The following DIDO1 variants were observed in gnomAD, a reference collection of about 807,000 sequenced individuals.
DIDO1 encodes the protein death-inducer obliterator 1.
DIDO1 carries 16 observed loss-of-function variants against 99.4 expected under a neutral mutation model. The ratio of observed to expected loss-of-function variants is 0.16; its 90% CI spans 0.11 to 0.24. DIDO1 has a LOEUF of 0.24. DIDO1 is among the 10% of genes least tolerant of loss of function. DIDO1 has a pLI of 1.00. For synonymous variants in DIDO1, 1,366 were observed against 1,239.1 expected, an observed-to-expected ratio of 1.10 and a Z score of -2.15; for missense variants, 2,996 against 3,014.0, an observed-to-expected ratio of 0.99 and a Z score of 0.14.
rs2147337335 is a variant in DIDO1, at chr20:62,879,284, C to T, written c.6672G>A (p.Pro2224=). 1 of 1,576,478 alleles carries T rather than the reference C, an allele frequency of 6.3e-7. No individual in the cohort carries two copies. Among genetic ancestry groups the T allele is most frequent in the Non-Finnish European group, 8.6e-7 (1 of 1,164,268 alleles). The change falls in exon 16 of 16, where the codon CCG becomes CCA. Residue 2224 remains proline, a synonymous_variant. Coordinates refer to ENST00000395343, the MANE Select transcript of DIDO1 (RefSeq NM_001193369.2). The surrounding 1 kb of genome is among the most constrained non-coding windows in gnomAD (Gnocchi z 6.3). The part of the protein sequence containing the change: ...RSKSKESARD[P]KPEASRASDA... ...CGGAGGCCCTCGAGGCCTCGGGCTTCGGGTCCCGAGCGCTCTCTTTGCTCT... is the reference window on the plus strand; with the variant it reads ...CGGAGGCCCTCGAGGCCTCGGGCTTTGGGTCCCGAGCGCTCTCTTTGCTCT...
In DIDO1 at chr20:62,881,871, G is replaced by A. The variant is rs1171984878; in HGVS notation, c.4085C>T (p.Pro1362Leu). 2 of 1,613,536 alleles carry A rather than the reference G, an allele frequency of 1.2e-6. No homozygotes were observed. The highest frequency in any genetic ancestry group is 1.7e-6 in the Non-Finnish European group (2 of 1,180,026). The change falls in exon 16 of 16, where the codon CCG (proline) becomes CTG (leucine). Residue 1362 changes from proline to leucine, a missense_variant. Coordinates refer to ENST00000395343, the MANE Select transcript of DIDO1 (RefSeq NM_001193369.2). This position sits in a 1 kb window ranked among gnomAD's most constrained non-coding sequence, Gnocchi z 8.3. ...DGVPAPPLLD[P>L]IVQQFGQFSK... ...GAACTGACCGAACTGCTGGACGATC[G>A]GATCTAACAACGGAGGTGCCGGCAC...
intron 1 of DIDO1, among the ~76,000 whole-genome samples, chr20:62,917,283 C>T (rs928115935): frequency 4.6e-5 from 7 of 152,230 alleles, no homozygotes; most frequent in Middle Eastern, 3.4e-3. Flanking sequence ...TACCCACCTC[C>T]GCCTTCCAAA....
Position 62,882,359 on chromosome 20 carries a change from G to A in DIDO1, c.3597C>T (p.Ile1199=), listed in dbSNP as rs772681743. Residue 1199 remains isoleucine, a synonymous_variant, in exon 16 of 16, where the codon ATC becomes ATT. Coordinates refer to ENST00000395343, the MANE Select transcript of DIDO1 (RefSeq NM_001193369.2). ...IILGLVICQK[I]KRPANSGELD... The stretch of plus-strand genomic sequence containing the variant: ...ACTCTCCACTGTTTGCGGGACGTTT[G>A]ATTTTTTGGCAGATTACTAACCCAA... 6.2e-7 allele frequency: 1 copy of A among 1,613,974 alleles called. No individual in the cohort carries two copies. Among genetic ancestry groups the A allele is most frequent in the Admixed American group, 1.7e-5 (1 of 60,008 alleles).
At chr20:62,926,866 G>C (rs1009496904), upstream of DIDO1, among the ~76,000 whole-genome samples, 1 of 152,228 alleles carries the variant, frequency 6.6e-6, no homozygotes, top group Non-Finnish European at 1.5e-5. Context: ...CAAGTCGGTG[G>C]GGATAGAAAG....
chr20:62,891,574 G>A (rs2064399282), intron 14 of DIDO1, among the ~76,000 whole-genome samples: 1 of 152,086 alleles, frequency 6.6e-6, no homozygotes, highest in African/African-American at 2.4e-5. Context: ...AAGAGCCCAG[G>A]TTGAGTGCCC....
At chr20:62,913,346 A>AG (rs2064982352) in intron 2 of DIDO1, among the ~76,000 whole-genome samples, 1 of 152,258 alleles carries the variant, frequency 6.6e-6, no homozygotes, top group South Asian at 2.1e-4. Context: ...CTGCTGTGTG[A>AG]GGGGGGCACT....
At position 62,893,855 on chromosome 20, in the gene DIDO1, G is replaced by A. The variant is rs1254872098; in HGVS notation, c.2912C>T (p.Ala971Val). ...VTVSGRDPRT[A>V]PSSSCTAVAS... is the part of the protein sequence containing the mutation. ...CACGGCTGTGCATGAACTGCTTGGA[G>A]CGGTCCTGGGGTCCCGGCCGGACAC... Residue 971 changes from alanine (A) to valine (V), a missense_variant, in exon 12 of 16, where the codon GCT becomes GTT. Ala to Val is a moderately conservative substitution (Grantham distance 64). Coordinates refer to ENST00000395343, the MANE Select transcript of DIDO1 (RefSeq NM_001193369.2). 1.9e-6 allele frequency: 3 copies of A among 1,613,760 alleles called. No individual in the cohort carries two copies. The highest frequency in any genetic ancestry group is 2.2e-5 in the East Asian group (1 of 44,888).
chr20:62,930,804 C>A (rs533164227), upstream of DIDO1, among the ~76,000 whole-genome samples: 276 of 152,312 alleles, frequency 1.8e-3, no homozygotes, highest in Admixed American at 2.7e-3. Flanking sequence ...CTGTAAGTTA[C>A]TCAAGACAGC....
chr20:62,922,114 A>G (rs1374408663), intron 1 of DIDO1, among the ~76,000 whole-genome samples: 1 of 127,096 alleles, frequency 7.9e-6, no homozygotes, highest in Non-Finnish European at 1.7e-5. Flanking sequence ...ATATATACAC[A>G]CACACACACA....
intron 6 of DIDO1, among the ~76,000 whole-genome samples, chr20:62,897,968 C>G (rs1357715853): frequency 6.6e-6 from 1 of 152,174 alleles, no homozygotes; most frequent in African/African-American, 2.4e-5. Context: ...GCTCTACAGG[C>G]AAGTGCCTGG....
chr20:62,908,251 G>C (rs879817271), intron 4 of DIDO1, among the ~76,000 whole-genome samples: 3 of 152,198 alleles, frequency 2.0e-5, no homozygotes, highest in Admixed American at 1.3e-4. Context: ...AAAGTGCTGG[G>C]ATGACAGGTG....
chr20:62,884,750 C>T (rs1339929840), intron 15 of DIDO1, among the ~76,000 whole-genome samples: 1 of 152,200 alleles, frequency 6.6e-6, no homozygotes, highest in East Asian at 1.9e-4. Context: ...GACCAAAGGC[C>T]TCTTCCTTCA....
chr20:62,885,707 G>C (rs1045658250), intron 15 of DIDO1, among the ~76,000 whole-genome samples: 1 of 152,242 alleles, frequency 6.6e-6, no homozygotes, highest in African/African-American at 2.4e-5. Context: ...AGGCACACCC[G>C]CTGTGAAACA....
At chr20:62,888,131 A>G in intron 15 of DIDO1, 1 of 985,490 alleles carries the variant, frequency 1.0e-6, no homozygotes, top group Non-Finnish European at 1.2e-6. Flanking sequence ...GGGCACCTTC[A>G]GGCCTTCACT....
intron 8 of DIDO1, among the ~76,000 whole-genome samples, chr20:62,895,600 G>A (rs2064501805): frequency 6.6e-6 from 1 of 152,264 alleles, no homozygotes; most frequent in East Asian, 1.9e-4. Flanking sequence ...TGCAAAGTCA[G>A]GGTATTTCAT....
In DIDO1 at chr20:62,890,954, G is replaced by A. The variant is rs765548395; in HGVS notation, c.3541+6C>T. The A allele has an allele frequency of 1.4e-5, 22 of 1,613,654 alleles. No individual in the cohort carries two copies. Among genetic ancestry groups the A allele is most frequent in the East Asian group, 4.5e-5 (2 of 44,882 alleles). ...CCTCACCTCCACCCAGAAAGCCGGC[G>A]CTTACCTGGTCCCTCAAAGGGCAAG... On this transcript the variant is annotated splice_donor_region_variant and intron_variant, in intron 15 of 15. Transcript: ENST00000395343.
rs201786226 is a variant in DIDO1 at position 62,879,295 on chromosome 20, C to G, written c.6661G>C (p.Ala2221Pro). The change falls in exon 16 of 16, where the codon GCT becomes CCT. Residue 2221 changes from alanine to proline, a missense_variant. By Grantham distance (27) the Ala-to-Pro change is conservative (BLOSUM62 -1). Around this residue, in one of 5 missense-constraint regions of DIDO1, gnomAD observed 1,562 missense variants for 1,412.6 expected, o/e 1.11. Transcript: ENST00000395343. The surrounding 1 kb of genome is among the most constrained non-coding windows in gnomAD (Gnocchi z 6.3). ...RKDRSKSKES[A>P]RDPKPEASRA... is the part of the protein sequence containing the mutation. The stretch of plus-strand genomic sequence containing the variant: ...GAGGCCTCGGGCTTCGGGTCCCGAG[C>G]GCTCTCTTTGCTCTTGCTCCGGTCC... 1 of 1,579,700 alleles carries G rather than the reference C, an allele frequency of 6.3e-7. No homozygotes were observed. Among genetic ancestry groups the G allele is most frequent in the Admixed American group, 1.8e-5 (1 of 56,696 alleles).
At position 62,896,828 on chromosome 20, in the gene DIDO1, G is replaced by A; in HGVS notation, c.1757C>T (p.Pro586Leu). The A allele has an allele frequency of 6.2e-7, 1 of 1,614,232 alleles. No individual in the cohort carries two copies. Among genetic ancestry groups the A allele is most frequent in the Non-Finnish European group, 8.5e-7 (1 of 1,180,052 alleles). ...VAAATPAIKKPPSGFKGTIPK... is the reference protein window; with the variant it reads ...VAAATPAIKKLPSGFKGTIPK... ...GATGGTGCCCTTGAAACCTGAGGGT[G>A]GCTTTTTAATGGCTGGTGTGGCTGC... The change falls in exon 7 of 16, where the codon CCA (proline) becomes CTA (leucine). Residue 586 changes from proline to leucine, a missense_variant. Physicochemically the swap from Pro to Leu is moderately conservative, Grantham distance 98. This residue lies in a region of DIDO1 where 898 missense variants were observed against 972.7 expected (regional missense o/e 0.92). Transcript: ENST00000395343. The surrounding 1 kb of genome is among the most constrained non-coding windows in gnomAD (Gnocchi z 4.4).
rs764174756 is a variant in DIDO1, at chr20:62,880,512, T to C, written c.5444A>G (p.His1815Arg). 3 of 1,612,962 alleles carry C rather than the reference T, an allele frequency of 1.9e-6. No homozygotes were observed. Among genetic ancestry groups the C allele is most frequent in the South Asian group, 1.1e-5 (1 of 91,084 alleles). Reference protein sequence around the residue: ...GPIPSLFSGQHGPPPYGDSRG... With the variant: ...GPIPSLFSGQRGPPPYGDSRG... ...GCTGTCCCCATAAGGAGGTGGCCCATGTTGCCCCGAGAATAAGGAAGGGAT... is the reference window on the plus strand; with the variant it reads ...GCTGTCCCCATAAGGAGGTGGCCCACGTTGCCCCGAGAATAAGGAAGGGAT... The change falls in exon 16 of 16, where the codon CAT (histidine) becomes CGT (arginine). Residue 1815 changes from histidine (H) to arginine (R), a missense_variant. By Grantham distance (29) the His-to-Arg change is conservative (BLOSUM62 0). This residue lies in a region of DIDO1 where 1,562 missense variants were observed against 1,412.6 expected (regional missense o/e 1.11). Transcript: ENST00000395343.
Sources: allele counts gnomAD v4.1 joint callset (sites outside exome capture counted in the v4.1 genomes callset), GRCh38; gene constraint gnomAD v4.1.1; regional missense constraint gnomAD v4.1.1; non-coding constraint Gnocchi (gnomAD v3.1); transcripts MANE v1.5; gene names NCBI Gene and HGNC (gene_info 2026-07-23, HGNC 2026-07-21).